ADARB2: variants seen among roughly 807,000 people sequenced by gnomAD.
ADARB2 encodes inactive double-stranded RNA-specific editase B2.
In ADARB2, 25 loss-of-function variants were observed where a neutral mutation model predicts 62.2. That is an observed-to-expected ratio of 0.40 (90% confidence interval 0.29 to 0.56). The LOEUF is 0.56. Among genes scored for constraint, ADARB2 ranks in the 20% least tolerant of loss-of-function variants. ADARB2 has a pLI of 0.43. For synonymous variants in ADARB2, 572 were observed against 500.8 expected (o/e 1.14, Z -1.90); for missense variants, 1,071 against 1,077.4 (o/e 0.99, Z 0.08).
chr10:1,315,306 C>G (rs1564254947), intron 3 of ADARB2, among the ~76,000 whole-genome samples: 1 of 152,216 alleles, frequency 6.6e-6, no homozygotes, highest in African/African-American at 2.4e-5. Flanking sequence ...CAGCCCCAGC[C>G]AGCGCACATG....
At chr10:1,723,329 C>T (rs1015753978) in intron 1 of ADARB2, among the ~76,000 whole-genome samples, 8 of 152,218 alleles carry the variant, frequency 5.3e-5, no homozygotes, top group South Asian at 2.1e-4. Context: ...GAGCTCTCCC[C>T]GTGGCCTTTC....
chr10:1,680,949 C>G (rs369335152), intron 1 of ADARB2, among the ~76,000 whole-genome samples: 1 of 152,192 alleles, frequency 6.6e-6, no homozygotes, highest in South Asian at 2.1e-4. Context: ...CAGAAATGGG[C>G]AACTCCGTAG....
Position 1,737,238 on chromosome 10 carries a change from C to T in ADARB2, c.-88G>A. On this transcript the variant is annotated 5_prime_UTR_variant, in exon 1 of 10. Transcript: ENST00000381312. Reference sequence around the variant, plus strand: ...CCGGCAGCCGCCGCCGCCGCTGCTGCGAAGCTTGAGGTTGCAAACCCGGGA... The same window carrying T: ...CCGGCAGCCGCCGCCGCCGCTGCTGTGAAGCTTGAGGTTGCAAACCCGGGA... 1.4e-6 allele frequency: 2 copies of T among 1,433,678 alleles called. No homozygotes were observed. Among genetic ancestry groups the T allele is most frequent in the Non-Finnish European group, 1.9e-6 (2 of 1,034,036 alleles). The allele number at this position is 1,433,678 out of a possible 1,614,324, so 88.8% of individuals were successfully genotyped here.
chr10:1,263,266 A>G (rs1004690301), intron 4 of ADARB2, among the ~76,000 whole-genome samples: 1 of 152,200 alleles, frequency 6.6e-6, no homozygotes, highest in Non-Finnish European at 1.5e-5. Context: ...ATGTACCCTA[A>G]AACTTAAAGT....
chr10:1,402,614 G>A (rs892882738), intron 1 of ADARB2, among the ~76,000 whole-genome samples: 1 of 152,068 alleles, frequency 6.6e-6, no homozygotes, highest in African/African-American at 2.4e-5. Flanking sequence ...AGTCGGAGGC[G>A]GCCCCACTTC....
At chr10:1,344,007 T>A (rs1045550305) in intron 3 of ADARB2, among the ~76,000 whole-genome samples, 1 of 152,148 alleles carries the variant, frequency 6.6e-6, no homozygotes, top group Non-Finnish European at 1.5e-5. Flanking sequence ...CCTGCACATG[T>A]ACCCTTGAAC....
intron 1 of ADARB2, among the ~76,000 whole-genome samples, chr10:1,396,626 G>T (rs898396560): frequency 1.3e-5 from 2 of 150,160 alleles, no homozygotes; most frequent in Admixed American, 6.6e-5. Flanking sequence ...CTCCCCTCCC[G>T]AGTGCAGGCT....
intron 1 of ADARB2, among the ~76,000 whole-genome samples, chr10:1,488,006 C>T (rs1831565315): frequency 6.6e-6 from 1 of 152,170 alleles, no homozygotes; most frequent in African/African-American, 2.4e-5. Flanking sequence ...ATATCAGCTT[C>T]AAATTTTTCA....
rs140258315 is a variant in ADARB2 at position 1,455,287 on chromosome 10, G to A, written c.101-76127C>T. On this transcript the variant is annotated intron_variant, in intron 1 of 9. Transcript: ENST00000381312. ...TGGAAGAAATGTAATCATTTGAAAT[G>A]TCTTTAAAAATAGTCACTCTCTGAA... Among the ~76,000 whole-genome samples the A allele has an allele frequency of 1.7e-3, 255 of 152,268 alleles. 1 individual carries two copies. Among genetic ancestry groups the A allele is most frequent in the African/African-American group, 5.9e-3 (245 of 41,542 alleles).
At chr10:1,472,558 A>T (rs955558981) in intron 1 of ADARB2, among the ~76,000 whole-genome samples, 1 of 152,178 alleles carries the variant, frequency 6.6e-6, no homozygotes, top group African/African-American at 2.4e-5. Flanking sequence ...TGGGAGAAGG[A>T]CCAGTTAGAG....
chr10:1,505,739 C>T (rs543357605), intron 1 of ADARB2, among the ~76,000 whole-genome samples: 2 of 150,740 alleles, frequency 1.3e-5, no homozygotes, highest in Admixed American at 6.6e-5. Context: ...CTGCCACTCC[C>T]GTCCCCACCA....
chr10:1,494,845 C>T (rs1831667814), intron 1 of ADARB2, among the ~76,000 whole-genome samples: 1 of 152,180 alleles, frequency 6.6e-6, no homozygotes, highest in East Asian at 1.9e-4. Flanking sequence ...AGTAGAAGTA[C>T]ACCTGGTGGA....
chr10:1,543,404 C>T (rs1832469421), intron 1 of ADARB2, among the ~76,000 whole-genome samples: 1 of 152,230 alleles, frequency 6.6e-6, no homozygotes, highest in Non-Finnish European at 1.5e-5. Flanking sequence ...ACGGGGACAA[C>T]AAGCCTGTTA....
intron 1 of ADARB2, among the ~76,000 whole-genome samples, chr10:1,491,629 A>G (rs754866491): frequency 6.6e-6 from 1 of 152,204 alleles, no homozygotes; most frequent in Non-Finnish European, 1.5e-5. Flanking sequence ...GTCAGATGTA[A>G]TGAGACCCAC....
At chr10:1,582,818 A>G (rs987813058) in intron 1 of ADARB2, among the ~76,000 whole-genome samples, 1 of 152,184 alleles carries the variant, frequency 6.6e-6, no homozygotes, top group East Asian at 1.9e-4. Flanking sequence ...GGCCCCATTC[A>G]GCACCCTCCT....
At chr10:1,232,359 G>A (rs1589159531) in intron 6 of ADARB2, among the ~76,000 whole-genome samples, 2 of 152,136 alleles carry the variant, frequency 1.3e-5, no homozygotes, top group South Asian at 4.1e-4. Context: ...TGTGGTGTGT[G>A]TGGTCTGTGT....
At chr10:1,347,420 G>A (rs1241628429) in intron 3 of ADARB2, among the ~76,000 whole-genome samples, 2 of 152,210 alleles carry the variant, frequency 1.3e-5, no homozygotes, top group African/African-American at 4.8e-5. Context: ...ATCTCATTTA[G>A]GAATGAGAAG....
intron 1 of ADARB2, among the ~76,000 whole-genome samples, chr10:1,442,850 A>G (rs1830922109): frequency 6.6e-6 from 1 of 152,204 alleles, no homozygotes; most frequent in Non-Finnish European, 1.5e-5. Flanking sequence ...CTCGAGGGGT[A>G]TGACCACCTG....
chr10:1,304,255 A>G (rs11250399), intron 3 of ADARB2, among the ~76,000 whole-genome samples: 66,405 of 151,528 alleles, frequency 0.44, 16,120 homozygotes, highest in East Asian at 0.69. Context: ...CTTTAAACCA[A>G]CAAAGATCAA....
Sources: allele counts gnomAD v4.1 joint callset (sites outside exome capture counted in the v4.1 genomes callset), GRCh38; gene constraint gnomAD v4.1.1; transcripts MANE v1.5; gene names NCBI Gene and HGNC (gene_info 2026-07-23, HGNC 2026-07-21).